KCNQ1: variants seen among roughly 807,000 people sequenced by gnomAD.
KCNQ1 encodes potassium voltage-gated channel subfamily Q member 1, also known as potassium voltage-gated channel subfamily KQT member 1.
Under a neutral mutation model 72.4 loss-of-function variants are expected in KCNQ1, and 49 were observed. The ratio of observed to expected loss-of-function variants is 0.68; its 90% CI spans 0.54 to 0.86. KCNQ1 has a LOEUF of 0.86. Ranked by LOEUF, KCNQ1 falls within the 40% of genes least tolerant of loss-of-function variation. The probability of loss-of-function intolerance (pLI) is 0.00; values close to 1 mark genes in which losing one functional copy is unlikely to be tolerated. For synonymous variants in KCNQ1, 450 were observed against 412.6 expected (o/e 1.09, Z -1.10); for missense variants, 790 against 945.1 (o/e 0.84, Z 2.15).
intron 2 of KCNQ1, among the ~76,000 whole-genome samples, chr11:2,532,265 G>A (rs549811007): frequency 7.9e-5 from 12 of 152,316 alleles, no homozygotes; most frequent in African/African-American, 2.9e-4. Context: ...GCTCTGCATG[G>A]CGCTTCCTGG....
chr11:2,844,423 T>C (rs1439943977), intron 15 of KCNQ1, among the ~76,000 whole-genome samples: 1 of 152,188 alleles, frequency 6.6e-6, no homozygotes, highest in Non-Finnish European at 1.5e-5. Context: ...AAAGCCCCAG[T>C]TGGCACAGGC....
chr11:2,807,549 G>A (rs1409175831), intron 15 of KCNQ1, among the ~76,000 whole-genome samples: 2 of 152,156 alleles, frequency 1.3e-5, no homozygotes, highest in East Asian at 3.9e-4. Context: ...ATCCCTCCTC[G>A]GAACACTCCC....
At chr11:2,616,689 A>C in intron 10 of KCNQ1, 2 of 398,084 alleles carry the variant, frequency 5.0e-6, no homozygotes, top group East Asian at 7.1e-5. Context: ...TGAATTTGTT[A>C]ATTTTTAGGT....
chr11:2,692,943 C>A (rs1590036355), intron 11 of KCNQ1: 3 of 398,680 alleles, frequency 7.5e-6, no homozygotes. Flanking sequence ...GGTTGTCCTG[C>A]CCATACGCTC....
Position 2,661,938 on chromosome 11 carries a change from C to T in KCNQ1, c.1394-23C>T. On this transcript the variant is annotated intron_variant, in intron 10 of 15. Transcript: ENST00000155840. This position sits in a 1 kb window ranked among gnomAD's most constrained non-coding sequence, Gnocchi z 5.9. ...CAGGTTGGGTGGGAGGCCTAACGTG[C>T]TGTCCCCACACTTTCTCCTCAGTAA... The T allele has an allele frequency of 6.2e-7, 1 of 1,614,140 alleles. No homozygotes were observed. Among genetic ancestry groups the T allele is most frequent in the Non-Finnish European group, 8.5e-7 (1 of 1,180,034 alleles).
intron 2 of KCNQ1, among the ~76,000 whole-genome samples, chr11:2,548,992 A>G (rs1375067696): frequency 1.3e-5 from 2 of 152,034 alleles, no homozygotes; most frequent in African/African-American, 4.8e-5. Flanking sequence ...ACTTTGGAGG[A>G]TGTTTGGTGA....
At chr11:2,666,491 C>T in intron 11 of KCNQ1, 1 of 398,678 alleles carries the variant, frequency 2.5e-6, no homozygotes, top group Non-Finnish European at 4.4e-6. Context: ...ATTCGAGTTG[C>T]TCTTTTCCAG....
chr11:2,631,058 C>A (rs1338832624), intron 10 of KCNQ1: 3 of 398,452 alleles, frequency 7.5e-6, no homozygotes, highest in Non-Finnish European at 1.3e-5. Flanking sequence ...CTAGGTGAAA[C>A]CTCTTTTAGA....
rs1157075831 is a variant in KCNQ1, at chr11:2,768,760, T to C, written c.1515-84T>C. 5 of 1,010,702 alleles carry C rather than the reference T, an allele frequency of 4.9e-6. No individual in the cohort carries two copies. The East Asian group carries it at 1.2e-4, about 24-fold the overall frequency. 62.6% of individuals were successfully genotyped at this position (1,010,702 alleles called of 1,614,324 possible). ...TGTTTCTGGAAGGATCCAGTCTGCG[T>C]GCTCCTCAGGCAGTGCAGGGGCAGT... On this transcript the variant is annotated intron_variant, in intron 11 of 15. Transcript: ENST00000155840. This position sits in a 1 kb window ranked among gnomAD's most constrained non-coding sequence, Gnocchi z 6.7.
At position 2,661,041 on chromosome 11, in the gene KCNQ1, A is replaced by G. The variant is rs1849947395; in HGVS notation, c.1394-920A>G. The stretch of plus-strand genomic sequence containing the variant: ...ACCTAGAGAAAAATGAAATGAGCTT[A>G]TGTTACAGAGTGACAGGAACAGAGT... On this transcript the variant is annotated intron_variant, in intron 10 of 15. Coordinates refer to ENST00000155840, the MANE Select transcript of KCNQ1 (RefSeq NM_000218.3). This position sits in a 1 kb window ranked among gnomAD's most constrained non-coding sequence, Gnocchi z 5.9. The G allele has an allele frequency of 7.5e-6, 3 of 398,484 alleles. No individual in the cohort carries two copies. Among genetic ancestry groups the G allele is most frequent in the African/African-American group, 2.1e-5 (1 of 48,612 alleles). The allele number at this position is 398,484 out of a possible 1,614,324, so 24.7% of individuals were successfully genotyped here.
At position 2,817,606 on chromosome 11, in the gene KCNQ1, G is replaced by A. The variant is rs1203145094; in HGVS notation, c.1795-30161G>A. 1.3e-5 allele frequency among the ~76,000 whole-genome samples: 2 copies of A among 152,112 alleles called. No individual in the cohort carries two copies. Among genetic ancestry groups the A allele is most frequent in the African/African-American group, 4.8e-5 (2 of 41,414 alleles). On this transcript the variant is annotated intron_variant, in intron 15 of 15. Coordinates refer to ENST00000155840, the MANE Select transcript of KCNQ1 (RefSeq NM_000218.3). This position sits in a 1 kb window ranked among gnomAD's most constrained non-coding sequence, Gnocchi z 6.1. ...CCTGGCCAGGGAGGTGGAGGACGCTGGGCAGAGCCCTGGGCATTAACTCAG... is the reference window on the plus strand; with the variant it reads ...CCTGGCCAGGGAGGTGGAGGACGCTAGGCAGAGCCCTGGGCATTAACTCAG...
In KCNQ1 at chr11:2,667,361, G is replaced by A. The variant is rs914479096; in HGVS notation, c.1514+5280G>A. 1.8e-4 allele frequency: 72 copies of A among 398,678 alleles called. 1 individual carries two copies. In the East Asian group the frequency reaches 2.5e-3, roughly 14 times the overall value. The allele number at this position is 398,678 out of a possible 1,614,324, so 24.7% of individuals were successfully genotyped here. A position where few individuals can be genotyped will look rare whatever the true frequency, so the allele number is the denominator to read the frequency against. On this transcript the variant is annotated intron_variant, in intron 11 of 15. Coordinates refer to ENST00000155840, the MANE Select transcript of KCNQ1 (RefSeq NM_000218.3). The stretch of plus-strand genomic sequence containing the variant: ...TTCTCATTTCCTCTGCAAGGGAAAG[G>A]CCATCCAAATCACCCTGCCCCAGTG...
At position 2,662,742 on chromosome 11, in the gene KCNQ1, C is replaced by T. The variant is rs79085427; in HGVS notation, c.1514+661C>T. On this transcript the variant is annotated intron_variant, in intron 11 of 15. Coordinates refer to ENST00000155840, the MANE Select transcript of KCNQ1 (RefSeq NM_000218.3). ...CACCCAAGTCCATTCTGGCCACAGT[C>T]CCATTCTGGCTGCTAACCCGTTGGG... 3.5e-3 allele frequency: 1,417 copies of T among 399,752 alleles called. 12 individuals carry two copies. The highest frequency in any genetic ancestry group is 0.024 in the South Asian group (193 of 7,914). The allele number at this position is 399,752 out of a possible 1,614,324, so 24.8% of individuals were successfully genotyped here.
chr11:2,572,790 A>G (rs560334923), intron 5 of KCNQ1, 56 bp from the exon 6 acceptor site: 10 of 1,610,744 alleles, frequency 6.2e-6, no homozygotes, highest in African/African-American at 5.3e-5. Flanking sequence ...GCGTCTGCAC[A>G]GGAGGCTCCC....
rs192813857 is a variant in KCNQ1 at position 2,538,312 on chromosome 11, G to A, written c.477+10294G>A. On this transcript the variant is annotated intron_variant, in intron 2 of 15. Transcript: ENST00000155840. This position sits in a 1 kb window ranked among gnomAD's most constrained non-coding sequence, Gnocchi z 6.7. Reference sequence around the variant, plus strand: ...GTCTCTCTCTTGGGCAGGGAAGGGCGGTGGACATGGAGGCTTGGGGACAGT... The same window carrying A: ...GTCTCTCTCTTGGGCAGGGAAGGGCAGTGGACATGGAGGCTTGGGGACAGT... Among the ~76,000 whole-genome samples, 78 of 152,288 alleles carry A rather than the reference G, an allele frequency of 5.1e-4. No homozygotes were observed. The highest frequency in any genetic ancestry group is 2.9e-3 in the Admixed American group (44 of 15,304).
intron 10 of KCNQ1, among the ~76,000 whole-genome samples, chr11:2,596,396 GC>G (rs1427193078): frequency 6.6e-6 from 1 of 152,120 alleles, no homozygotes; most frequent in Non-Finnish European, 1.5e-5. Flanking sequence ...AATATTCATA[GC>G]AGCTTTATAA....
At position 2,550,852 on chromosome 11, in the gene KCNQ1, C is replaced by T. The variant is rs558304715; in HGVS notation, c.478-19776C>T. ...GCTCCCCGGGGGCCCAGATGGCAGG[C>T]GAGGGGTGCCTGGGGAGGCTGCCAA... On this transcript the variant is annotated intron_variant, in intron 2 of 15. Transcript: ENST00000155840. The surrounding 1 kb of genome is among the most constrained non-coding windows in gnomAD (Gnocchi z 6.0). Among the ~76,000 whole-genome samples the T allele has an allele frequency of 4.0e-5, 6 of 151,786 alleles. No individual in the cohort carries two copies. The highest frequency in any genetic ancestry group is 3.9e-4 in the East Asian group (2 of 5,134).
chr11:2,635,817 A>G (rs1849455500), intron 10 of KCNQ1: 2 of 152,238 alleles, frequency 1.3e-5, no homozygotes, highest in South Asian at 4.1e-4. Context: ...ATCCATGAGC[A>G]TGGAATGTTC....
intron 1 of KCNQ1, among the ~76,000 whole-genome samples, chr11:2,503,980 T>C (rs1259892110): frequency 1.3e-5 from 2 of 152,216 alleles, no homozygotes. Flanking sequence ...ACTCTAGTTA[T>C]ATATCCAGAA....
Sources: allele counts gnomAD v4.1 joint callset (sites outside exome capture counted in the v4.1 genomes callset), GRCh38; gene constraint gnomAD v4.1.1; non-coding constraint Gnocchi (gnomAD v3.1); transcripts MANE v1.5; gene names NCBI Gene and HGNC (gene_info 2026-07-23, HGNC 2026-07-21).